Variants in SEMA6D observed in about 807,000 individuals in gnomAD.
SEMA6D encodes semaphorin 6D.
SEMA6D carries 35 observed loss-of-function variants against 106.6 expected under a neutral mutation model. The ratio of observed to expected loss-of-function variants is 0.33; its 90% CI spans 0.25 to 0.44. The LOEUF is 0.44. Ranked by LOEUF, SEMA6D falls within the 20% of genes least tolerant of loss-of-function variation. The pLI, the probability that SEMA6D is intolerant of heterozygous loss-of-function variation, is 1.00. For missense variants in SEMA6D, 1,185 were observed against 1,345.9 expected (o/e 0.88, Z 1.87); for synonymous variants, 499 against 487.7 (o/e 1.02, Z -0.31).
intron 3 of SEMA6D, among the ~76,000 whole-genome samples, chr15:47,561,870 C>CG (rs2046091799): frequency 1.3e-5 from 2 of 151,780 alleles, no homozygotes; most frequent in South Asian, 4.1e-4. Flanking sequence ...TTTACCAACT[C>CG]TAAGTTAGTA....
intron 1 of SEMA6D, among the ~76,000 whole-genome samples, chr15:47,278,620 A>G (rs2034953158): frequency 6.6e-6 from 1 of 152,216 alleles, no homozygotes; most frequent in African/African-American, 2.4e-5. Flanking sequence ...TAGTTTAATT[A>G]GATCCCATTT....
intron 1 of SEMA6D, among the ~76,000 whole-genome samples, chr15:47,357,234 T>G (rs1306435124): frequency 2.0e-5 from 3 of 151,902 alleles, no homozygotes; most frequent in African/African-American, 7.3e-5. Context: ...CTCGGGAGGC[T>G]GAGGCAGGAG....
At chr15:47,339,740 T>A (rs1268219084) in intron 1 of SEMA6D, among the ~76,000 whole-genome samples, 2 of 152,064 alleles carry the variant, frequency 1.3e-5, no homozygotes, top group African/African-American at 4.8e-5. Context: ...ATGCCTGTAG[T>A]CCCAGCTGCT....
intron 3 of SEMA6D, among the ~76,000 whole-genome samples, chr15:47,566,140 C>T (rs563532209): frequency 6.6e-6 from 1 of 152,250 alleles, no homozygotes; most frequent in East Asian, 1.9e-4. Flanking sequence ...CAACTGACAG[C>T]GGCAGATGTC....
intron 2 of SEMA6D, among the ~76,000 whole-genome samples, chr15:47,416,790 G>A (rs1021940982): frequency 3.3e-5 from 5 of 151,966 alleles, no homozygotes; most frequent in East Asian, 3.9e-4. Context: ...TTTTATTAGC[G>A]TTTTGTGAAG....
upstream of SEMA6D, among the ~76,000 whole-genome samples, chr15:47,715,707 C>T (rs1297721259): frequency 6.6e-6 from 1 of 152,206 alleles, no homozygotes; most frequent in African/African-American, 2.4e-5. Context: ...GCAAATTGCA[C>T]TCTTCAGGTG....
chr15:47,577,869 T>TA lies in SEMA6D; in HGVS notation c.-86-22989dup, dbSNP rs202041983. 4.8e-5 allele frequency among the ~76,000 whole-genome samples: 7 copies of TA among 146,096 alleles called. No individual in the cohort carries two copies. The South Asian group carries it at 1.1e-3, about 23-fold the overall frequency. ...TCAAAAGTGAAAGGGAAGATATGTG[T>TA]AAAAAAATGTCTTACTGATTTTTCT... is the stretch of plus-strand genomic sequence containing the variant. On this transcript the variant is annotated intron_variant, in intron 3 of 19. Transcript: ENST00000558014.
chr15:47,348,722 A>ACACAC (rs1567016686), intron 1 of SEMA6D, among the ~76,000 whole-genome samples: 20 of 37,022 alleles, frequency 5.4e-4, no homozygotes, highest in African/African-American at 9.9e-4. Context: ...CACACACCAC[A>ACACAC]CACACAGAGA....
intron 1 of SEMA6D, among the ~76,000 whole-genome samples, chr15:47,215,402 C>T (rs974085157): frequency 6.6e-6 from 1 of 151,968 alleles, no homozygotes; most frequent in Admixed American, 6.6e-5. Context: ...ACACAGGGAT[C>T]TGTTAAAACT....
intron 1 of SEMA6D, among the ~76,000 whole-genome samples, chr15:47,732,836 G>A (rs1434532387): frequency 1.3e-5 from 2 of 152,160 alleles, no homozygotes; most frequent in East Asian, 1.9e-4. Flanking sequence ...CTACAAAAAT[G>A]TAGGCAGGAT....
intron 15 of SEMA6D, 45 bp from the exon 16 acceptor site, chr15:47,766,571 A>G (rs761553630): frequency 1.1e-5 from 18 of 1,599,162 alleles, no homozygotes; most frequent in Middle Eastern, 1.7e-4. Flanking sequence ...TTGTGTTCCT[A>G]TGAAGGCTGT....
intron 1 of SEMA6D, among the ~76,000 whole-genome samples, chr15:47,745,946 C>A (rs2081107353): frequency 6.6e-6 from 1 of 152,162 alleles, no homozygotes; most frequent in Non-Finnish European, 1.5e-5. Context: ...CCAGGAAGTA[C>A]ATTTTAAAAA....
intron 1 of SEMA6D, among the ~76,000 whole-genome samples, chr15:47,192,560 T>TATCATCA (rs1894037290): frequency 6.6e-6 from 1 of 152,204 alleles, no homozygotes; most frequent in African/African-American, 2.4e-5. Flanking sequence ...AAAAAGCATG[T>TATCATCA]TTATCATCAT....
intron 2 of SEMA6D, among the ~76,000 whole-genome samples, chr15:47,453,123 C>A (rs1416531243): frequency 6.6e-6 from 1 of 151,890 alleles, no homozygotes; most frequent in African/African-American, 2.4e-5. Context: ...TGTGCTTTCT[C>A]AACTTTGTTC....
intron 4 of SEMA6D, among the ~76,000 whole-genome samples, chr15:47,671,870 C>T (rs1016602154): frequency 3.9e-5 from 6 of 152,134 alleles, no homozygotes; most frequent in South Asian, 2.1e-4. Flanking sequence ...GAAGTAAGGA[C>T]ATTCTGCTTT....
intron 4 of SEMA6D, among the ~76,000 whole-genome samples, chr15:47,623,027 A>T (rs1023202071): frequency 2.0e-5 from 3 of 152,206 alleles, no homozygotes; most frequent in Admixed American, 1.3e-4. Context: ...CACTGTAGTG[A>T]CAACCCTCTT....
chr15:47,508,214 A>G (rs1413853154), intron 3 of SEMA6D, among the ~76,000 whole-genome samples: 1 of 152,234 alleles, frequency 6.6e-6, no homozygotes, highest in Non-Finnish European at 1.5e-5. Flanking sequence ...CAAACTGCAA[A>G]TAAAGGTTAG....
At chr15:47,354,189 CTCTCTCTCTCTATATATATATA>C (rs779754208) in intron 1 of SEMA6D, among the ~76,000 whole-genome samples, 12 of 30,360 alleles carry the variant, frequency 4.0e-4, no homozygotes, top group East Asian at 5.7e-4. Flanking sequence ...CTCTCTCTCT[CTCTCTCTCTCTATATATATATA>C]TATATATATA....
intron 4 of SEMA6D, among the ~76,000 whole-genome samples, chr15:47,662,248 A>G (rs1331876633): frequency 6.7e-6 from 1 of 150,290 alleles, no homozygotes; most frequent in African/African-American, 2.4e-5. Context: ...AAACACACAC[A>G]TTGGCAGTCA....
Sources: gnomAD v4.1 joint callset for allele counts (sites outside exome capture counted in the v4.1 genomes callset) on GRCh38, gnomAD v4.1.1 for gene constraint, MANE v1.5 for transcripts, NCBI Gene and HGNC (gene_info 2026-07-23, HGNC 2026-07-21) for gene names.